Variants in GSG1L observed in about 807,000 individuals in gnomAD.
GSG1L encodes GSG1 like.
A neutral mutation model predicts 42.1 loss-of-function variants in GSG1L; 24 were observed. The ratio of observed to expected loss-of-function variants is 0.57; its 90% CI spans 0.41 to 0.80. The LOEUF (loss-of-function observed/expected upper bound fraction) is 0.80, where lower values mean the gene tolerates loss of function less well. Among genes scored for constraint, GSG1L ranks in the 30% least tolerant of loss-of-function variants. The pLI is 0.00. For synonymous variants in GSG1L, 215 were observed against 203.5 expected, an observed-to-expected ratio of 1.06 and a Z score of -0.48; for missense variants, 445 against 472.2, an observed-to-expected ratio of 0.94 and a Z score of 0.53.
chr16:27,888,482 C>CTCTCT (rs1196322207), intron 2 of GSG1L, among the ~76,000 whole-genome samples: 8 of 68,956 alleles, frequency 1.2e-4, no homozygotes, highest in South Asian at 4.8e-4. Flanking sequence ...CTCTCTCTTT[C>CTCTCT]CTTTCTTTCT....
At chr16:27,888,402 T>C (rs77582116) in intron 2 of GSG1L, among the ~76,000 whole-genome samples, 746 of 7,328 alleles carry the variant, frequency 0.1, 8 homozygotes, top group South Asian at 0.14. Flanking sequence ...TCTTTTCTCC[T>C]TCTTTCTTTC....
At chr16:27,919,254 G>A (rs1454747553) in intron 2 of GSG1L, among the ~76,000 whole-genome samples, 1 of 152,144 alleles carries the variant, frequency 6.6e-6, no homozygotes, top group East Asian at 1.9e-4. Context: ...CCAGGGCATG[G>A]GGATGCCCAA....
intron 1 of GSG1L, among the ~76,000 whole-genome samples, chr16:28,001,481 T>C (rs2085577564): frequency 1.3e-5 from 2 of 152,220 alleles, no homozygotes; most frequent in African/African-American, 4.8e-5. Context: ...GGGACCATTG[T>C]GTGATGGCAC....
intron 2 of GSG1L, among the ~76,000 whole-genome samples, chr16:27,924,943 C>T (rs560662226): frequency 6.6e-5 from 10 of 152,210 alleles, no homozygotes; most frequent in South Asian, 2.1e-4. Flanking sequence ...CCAGCAACAC[C>T]GGATCACACG....
At chr16:27,839,958 C>T (rs2083360944) in intron 4 of GSG1L, among the ~76,000 whole-genome samples, 1 of 152,030 alleles carries the variant, frequency 6.6e-6, no homozygotes, top group African/African-American at 2.4e-5. Context: ...GGATCAGTGA[C>T]AGGACCAGGC....
At chr16:27,970,783 T>C (rs2085186142) in intron 1 of GSG1L, among the ~76,000 whole-genome samples, 1 of 152,040 alleles carries the variant, frequency 6.6e-6, no homozygotes, top group African/African-American at 2.4e-5. Flanking sequence ...CTTTTGTAAT[T>C]TTAACTCTTC....
chr16:28,061,056 G>A (rs1596742350), intron 1 of GSG1L, among the ~76,000 whole-genome samples: 1 of 152,132 alleles, frequency 6.6e-6, no homozygotes, highest in East Asian at 1.9e-4. Flanking sequence ...GACCACTCCG[G>A]TGCCAGAGAT....
intron 2 of GSG1L, among the ~76,000 whole-genome samples, chr16:27,920,501 C>G (rs1334380202): frequency 6.6e-6 from 1 of 152,228 alleles, no homozygotes; most frequent in African/African-American, 2.4e-5. Context: ...AGCCCTCTCT[C>G]TTTTATCATC....
chr16:27,853,532 G>T (rs2083539895), intron 3 of GSG1L, among the ~76,000 whole-genome samples: 1 of 152,088 alleles, frequency 6.6e-6, no homozygotes, highest in Non-Finnish European at 1.5e-5. Flanking sequence ...CATTTTGGGG[G>T]GTCAGCAATT....
At chr16:28,005,833 C>T (rs1046822412) in intron 1 of GSG1L, among the ~76,000 whole-genome samples, 43 of 152,242 alleles carry the variant, frequency 2.8e-4, no homozygotes, top group Middle Eastern at 3.4e-3. Flanking sequence ...GGGTGCATTT[C>T]GGCAGAATAA....
chr16:27,960,691 T>C (rs777287749), intron 2 of GSG1L, among the ~76,000 whole-genome samples: 59 of 152,100 alleles, frequency 3.9e-4, no homozygotes, highest in Admixed American at 8.5e-4. Flanking sequence ...GGGTGTCTAC[T>C]GGAAGGGCTG....
chr16:27,890,638 C>T lies in GSG1L; in HGVS notation c.398-6000G>A, dbSNP rs536822846. The stretch of plus-strand genomic sequence containing the variant: ...ACTGGTGCCATGTTCCTAGCTTGGA[C>T]ACGTGAGCAGATGATGGCATTCTTC... On this transcript the variant is annotated intron_variant, in intron 2 of 6. Transcript: ENST00000447459. 4.6e-4 allele frequency among the ~76,000 whole-genome samples: 70 copies of T among 152,292 alleles called. 1 individual carries two copies. The highest frequency in any genetic ancestry group is 1.3e-3 in the African/African-American group (52 of 41,574).
intron 2 of GSG1L, among the ~76,000 whole-genome samples, chr16:27,957,313 C>T (rs1463736813): frequency 6.6e-6 from 1 of 152,214 alleles, no homozygotes; most frequent in East Asian, 1.9e-4. Flanking sequence ...CACTACTGCA[C>T]TCCAGCCTGG....
chr16:27,912,731 G>C (rs11074886), intron 2 of GSG1L, among the ~76,000 whole-genome samples: 1 of 152,030 alleles, frequency 6.6e-6, no homozygotes, highest in Non-Finnish European at 1.5e-5. Flanking sequence ...TGTGTCCTAC[G>C]ACCCAGCAAT....
rs940998395 is a variant in GSG1L at position 27,789,815 on chromosome 16, TGGATGGATGGGTGGATGGATGGATGAA to T, written c.*1528_*1554del. On this transcript the variant is annotated 3_prime_UTR_variant, in exon 7 of 7. Transcript: ENST00000447459. ...AGATAATGGATGGACAGATGATGGA[TGGATGGATGGGTGGATGGATGGATGAA>T]GGATGGATGGATGGATGATGAAGGA... The T allele has an allele frequency of 6.4e-5, 9 of 139,674 alleles. No individual in the cohort carries two copies. Among genetic ancestry groups the T allele is most frequent in the Non-Finnish European group, 1.1e-4 (7 of 62,956 alleles). The allele number at this position is 139,674 out of a possible 1,614,324, so 8.7% of individuals were successfully genotyped here.
At chr16:28,019,242 G>T (rs116317532) in intron 1 of GSG1L, among the ~76,000 whole-genome samples, 240 of 152,318 alleles carry the variant, frequency 1.6e-3, no homozygotes, top group African/African-American at 5.7e-3. Flanking sequence ...ACAGCATGAA[G>T]TGAAGAAGTC....
intron 1 of GSG1L, among the ~76,000 whole-genome samples, chr16:27,988,438 G>T (rs1478569598): frequency 6.6e-6 from 1 of 151,932 alleles, no homozygotes; most frequent in Non-Finnish European, 1.5e-5. Flanking sequence ...TAGTTTAGAG[G>T]TTATTTAAAG....
At chr16:27,996,092 G>C (rs1050043699) in intron 1 of GSG1L, among the ~76,000 whole-genome samples, 1 of 151,900 alleles carries the variant, frequency 6.6e-6, no homozygotes, top group South Asian at 2.1e-4. Flanking sequence ...TACCAACCCA[G>C]TCCTAAACAG....
chr16:27,865,299 A>G (rs913662184), intron 3 of GSG1L, among the ~76,000 whole-genome samples: 27 of 151,946 alleles, frequency 1.8e-4, no homozygotes, highest in African/African-American at 6.3e-4. Flanking sequence ...TGGATTGACT[A>G]AGAATCATCC....
Sources: allele counts gnomAD v4.1 joint callset (sites outside exome capture counted in the v4.1 genomes callset), GRCh38; gene constraint gnomAD v4.1.1; transcripts MANE v1.5; gene names NCBI Gene and HGNC (gene_info 2026-07-23, HGNC 2026-07-21).